The following RIMS2 variants were observed in gnomAD, a reference collection of about 807,000 sequenced individuals.
RIMS2 encodes regulating synaptic membrane exocytosis protein 2.
Under a neutral mutation model 174.4 loss-of-function variants are expected in RIMS2, and 59 were observed. The ratio of observed to expected loss-of-function variants is 0.34; its 90% confidence interval spans 0.27 to 0.42. The LOEUF is 0.42. Ranked by LOEUF, RIMS2 falls within the 10% of genes least tolerant of loss-of-function variation. The pLI, the probability that RIMS2 is intolerant of heterozygous loss-of-function variation, is 1.00. For synonymous variants in RIMS2, 606 were observed against 572.5 expected (o/e 1.06, Z -0.84); for missense variants, 1,620 against 1,666.3 (o/e 0.97, Z 0.48).
At chr8:103,933,941 G>A (rs2080620427) in intron 12 of RIMS2, among the ~76,000 whole-genome samples, 1 of 152,098 alleles carries the variant, frequency 6.6e-6, no homozygotes, top group South Asian at 2.1e-4. Context: ...TTTTAGAGGG[G>A]CCAGGGAGAC....
intron 6 of RIMS2, among the ~76,000 whole-genome samples, chr8:103,912,970 G>GTTTTTTTTTTTTTT (rs1272975359): frequency 8.7e-6 from 1 of 114,906 alleles, no homozygotes. Flanking sequence ...TTTTTTTGTT[G>GTTTTTTTTTTTTTT]TTTTTTTTTT....
intron 1 of RIMS2, among the ~76,000 whole-genome samples, chr8:103,688,577 T>C (rs1172368658): frequency 6.6e-6 from 1 of 152,126 alleles, no homozygotes; most frequent in Non-Finnish European, 1.5e-5. Context: ...ATTATTTTTG[T>C]AGTTTATTTT....
intron 19 of RIMS2, among the ~76,000 whole-genome samples, chr8:104,062,655 G>T (rs970549824): frequency 1.4e-4 from 21 of 152,096 alleles, no homozygotes; most frequent in Non-Finnish European, 2.8e-4. Flanking sequence ...TGAGCCAATA[G>T]CTGTATACAC....
intron 3 of RIMS2, among the ~76,000 whole-genome samples, chr8:103,775,976 C>A (rs1255872078): frequency 6.6e-6 from 1 of 152,154 alleles, no homozygotes; most frequent in Admixed American, 6.5e-5. Flanking sequence ...CATGTGCCAG[C>A]TTGCCTAGGA....
intron 19 of RIMS2, among the ~76,000 whole-genome samples, chr8:104,074,724 G>T (rs1314326497): frequency 6.6e-6 from 1 of 152,096 alleles, no homozygotes; most frequent in Non-Finnish European, 1.5e-5. Context: ...AACATAATAT[G>T]TGATGAAAAA....
chr8:103,575,194 C>A (rs2093124564), intron 1 of RIMS2, among the ~76,000 whole-genome samples: 2 of 152,122 alleles, frequency 1.3e-5, no homozygotes, highest in African/African-American at 4.8e-5. Flanking sequence ...GTGGAAAGTG[C>A]TCAACTTCAT....
chr8:103,601,470 A>G (rs780049521), intron 1 of RIMS2, among the ~76,000 whole-genome samples: 4 of 149,402 alleles, frequency 2.7e-5, no homozygotes, highest in Non-Finnish European at 5.9e-5. Context: ...ATTTTGTCTG[A>G]TATAAATATA....
intron 19 of RIMS2, among the ~76,000 whole-genome samples, chr8:104,166,678 A>G (rs1461430034): frequency 2.6e-5 from 4 of 151,996 alleles, no homozygotes; most frequent in African/African-American, 4.8e-5. Context: ...AGCATAGAGT[A>G]TAAGAGATAG....
At chr8:103,757,223 T>C (rs2098032702) in intron 2 of RIMS2, among the ~76,000 whole-genome samples, 1 of 152,030 alleles carries the variant, frequency 6.6e-6, no homozygotes, top group Non-Finnish European at 1.5e-5. Flanking sequence ...GGTTAAAGCA[T>C]TGCTAATTTT....
At position 103,886,432 on chromosome 8, in the gene RIMS2, G is replaced by T. The variant is rs565941731; in HGVS notation, c.1624+209G>T. On this transcript the variant is annotated intron_variant, in intron 4 of 23. Transcript: ENST00000504942. The stretch of plus-strand genomic sequence containing the variant: ...AAGAACGACAGAATGATGTTCTATT[G>T]ATTTTTAAAAATTGCCTTCTTGCTT... 8.6e-5 allele frequency among the ~76,000 whole-genome samples: 13 copies of T among 151,876 alleles called. No individual in the cohort carries two copies. In the South Asian group the frequency reaches 1.2e-3, roughly 15 times the overall value.
At chr8:103,788,943 T>C (rs1442455655) in intron 3 of RIMS2, among the ~76,000 whole-genome samples, 1 of 152,242 alleles carries the variant, frequency 6.6e-6, no homozygotes, top group African/African-American at 2.4e-5. Flanking sequence ...CGTTGGACCC[T>C]CTGAGCCAGG....
chr8:104,048,420 G>T (rs910082520), intron 19 of RIMS2, among the ~76,000 whole-genome samples: 1 of 152,046 alleles, frequency 6.6e-6, no homozygotes, highest in South Asian at 2.1e-4. Flanking sequence ...CCTGTATGTG[G>T]AGAGAAAAAA....
Position 104,228,197 on chromosome 8 carries a change from T to G in RIMS2, c.3335-16719T>G, listed in dbSNP as rs181117621. Among the ~76,000 whole-genome samples the G allele has an allele frequency of 4.2e-3, 640 of 151,904 alleles. 17 individuals are homozygous for G. Among genetic ancestry groups the G allele is most frequent in the Non-Finnish European group, 1.5e-3 (104 of 67,942 alleles). The stretch of plus-strand genomic sequence containing the variant: ...GCATGTGCCACCATGCCTGGCTAAT[T>G]TTTTGTATATTTAGTGGAGACAGGG... On this transcript the variant is annotated intron_variant, in intron 19 of 23. Transcript: ENST00000504942.
intron 15 of RIMS2, among the ~76,000 whole-genome samples, chr8:103,971,581 T>C (rs2092881647): frequency 6.6e-6 from 1 of 152,098 alleles, no homozygotes; most frequent in African/African-American, 2.4e-5. Flanking sequence ...GTTTTTTTTT[T>C]TTCTTTTTGA....
intron 19 of RIMS2, among the ~76,000 whole-genome samples, chr8:104,049,150 C>T (rs2096742587): frequency 6.7e-6 from 1 of 149,222 alleles, no homozygotes; most frequent in Non-Finnish European, 1.5e-5. Flanking sequence ...AAAGGCCGGG[C>T]GGTGGCTCAC....
At chr8:104,139,324 A>G (rs2098547806) in intron 19 of RIMS2, among the ~76,000 whole-genome samples, 1 of 152,104 alleles carries the variant, frequency 6.6e-6, no homozygotes, top group South Asian at 2.1e-4. Context: ...TGTGATACAG[A>G]TTACATTGAA....
chr8:104,126,429 C>T (rs987715483), intron 19 of RIMS2, among the ~76,000 whole-genome samples: 14 of 152,034 alleles, frequency 9.2e-5, no homozygotes, highest in Non-Finnish European at 1.5e-5. Flanking sequence ...TAAATATGAC[C>T]TATGGGGTAA....
rs77047970 is a variant in RIMS2 at position 103,823,095 on chromosome 8, T to C, written c.698+56558T>C. On this transcript the variant is annotated intron_variant, in intron 3 of 23. Transcript: ENST00000504942. Reference sequence around the variant, plus strand: ...TGCTAATTTTTAGCCGTCTTTTTTATACAACGAAGAGATCTGTATTTTCCT... The same window carrying C: ...TGCTAATTTTTAGCCGTCTTTTTTACACAACGAAGAGATCTGTATTTTCCT... Among the ~76,000 whole-genome samples, 13 of 152,068 alleles carry C rather than the reference T, an allele frequency of 8.5e-5. No individual in the cohort carries two copies. In the East Asian group the frequency reaches 2.5e-3, roughly 29 times the overall value.
intron 19 of RIMS2, among the ~76,000 whole-genome samples, chr8:104,108,803 T>C (rs1329101228): frequency 6.6e-6 from 1 of 152,206 alleles, no homozygotes; most frequent in Non-Finnish European, 1.5e-5. Flanking sequence ...TATTATTTAC[T>C]CAGCTTTCTT....
Sources: gnomAD v4.1 joint callset for allele counts (sites outside exome capture counted in the v4.1 genomes callset) on GRCh38, gnomAD v4.1.1 for gene constraint, MANE v1.5 for transcripts, NCBI Gene and HGNC (gene_info 2026-07-23, HGNC 2026-07-21) for gene names.